The following TBC1D5 variants were observed in gnomAD, a reference collection of about 807,000 sequenced individuals.
TBC1D5 encodes the protein TBC1 domain family member 5, also known as TBC1 domain family, member 5.
A neutral mutation model predicts 100.3 loss-of-function variants in TBC1D5; 75 were observed. That is an observed-to-expected ratio of 0.75 (90% CI 0.62 to 0.91). The LOEUF is 0.91. Among genes scored for constraint, TBC1D5 ranks in the 40% least tolerant of loss-of-function variants. The pLI, the probability that TBC1D5 is intolerant of heterozygous loss-of-function variation, is 0.00. For synonymous variants in TBC1D5, 323 were observed against 325.6 expected (o/e 0.99, Z 0.09); for missense variants, 910 against 942.4 (o/e 0.97, Z 0.45).
intron 17 of TBC1D5, among the ~76,000 whole-genome samples, chr3:17,225,166 C>T (rs1411816809): frequency 2.0e-5 from 3 of 152,062 alleles, no homozygotes; most frequent in African/African-American, 4.8e-5. Flanking sequence ...AGGCCGGACG[C>T]GGTGGCTCAC....
At chr3:17,322,950 T>C (rs1490431968) in intron 13 of TBC1D5, among the ~76,000 whole-genome samples, 2 of 152,196 alleles carry the variant, frequency 1.3e-5, no homozygotes, top group African/African-American at 4.8e-5. Flanking sequence ...CAGGGTTAAA[T>C]TGGCCCTTGG....
At chr3:17,467,131 T>C (rs914354331) in intron 3 of TBC1D5, among the ~76,000 whole-genome samples, 2 of 152,082 alleles carry the variant, frequency 1.3e-5, no homozygotes, top group Non-Finnish European at 2.9e-5. Context: ...ATAAATGTTT[T>C]GTTTTACTAT....
At chr3:17,336,918 G>A (rs930295174) in intron 13 of TBC1D5, among the ~76,000 whole-genome samples, 4 of 152,060 alleles carry the variant, frequency 2.6e-5, no homozygotes, top group African/African-American at 9.7e-5. Flanking sequence ...CACAAGAGAA[G>A]ATATAGTTAA....
chr3:17,380,889 C>T (rs2092919632), intron 9 of TBC1D5, among the ~76,000 whole-genome samples: 1 of 151,986 alleles, frequency 6.6e-6, no homozygotes, highest in Admixed American at 6.6e-5. Context: ...CAATAAAATC[C>T]CATAACTATT....
At chr3:17,328,624 G>C (rs2086488991) in intron 13 of TBC1D5, among the ~76,000 whole-genome samples, 2 of 152,280 alleles carry the variant, frequency 1.3e-5, no homozygotes, top group African/African-American at 4.8e-5. Context: ...GCAGTGCTGA[G>C]TTGCTAGCTT....
chr3:17,613,781 T>TA (rs1475038148), intron 2 of TBC1D5, among the ~76,000 whole-genome samples: 1 of 152,248 alleles, frequency 6.6e-6, no homozygotes, highest in Non-Finnish European at 1.5e-5. Context: ...AGATTCTGGA[T>TA]ATTAGCTCTT....
intron 3 of TBC1D5, among the ~76,000 whole-genome samples, chr3:17,461,242 T>C (rs2149924598): frequency 6.6e-6 from 1 of 152,330 alleles, no homozygotes; most frequent in Non-Finnish European, 1.5e-5. Context: ...AGTTAATTGT[T>C]CATGTTTTCT....
At chr3:17,272,632 C>T (rs924561978) in intron 15 of TBC1D5, among the ~76,000 whole-genome samples, 4 of 152,070 alleles carry the variant, frequency 2.6e-5, no homozygotes, top group African/African-American at 9.7e-5. Context: ...GTAGTTTGGC[C>T]AAAGTTATAT....
intron 16 of TBC1D5, among the ~76,000 whole-genome samples, chr3:17,240,348 G>A (rs2076205758): frequency 6.6e-6 from 1 of 152,068 alleles, no homozygotes; most frequent in Non-Finnish European, 1.5e-5. Context: ...GGTTCCTTTG[G>A]CATCAAGTTT....
intron 17 of TBC1D5, among the ~76,000 whole-genome samples, chr3:17,218,695 C>T (rs2073931287): frequency 6.6e-6 from 1 of 151,958 alleles, no homozygotes; most frequent in Non-Finnish European, 1.5e-5. Context: ...GAATTCTAGA[C>T]CGACTGGCTT....
intron 1 of TBC1D5, among the ~76,000 whole-genome samples, chr3:17,638,922 G>T (rs1051060925): frequency 1.3e-5 from 2 of 152,114 alleles, no homozygotes; most frequent in African/African-American, 4.8e-5. Context: ...ATGGGAGTGT[G>T]TAACAGTATA....
chr3:17,442,894 C>G (rs1249483037), intron 3 of TBC1D5, among the ~76,000 whole-genome samples: 1 of 145,664 alleles, frequency 6.9e-6, no homozygotes, highest in African/African-American at 2.6e-5. Flanking sequence ...GGAGAAGAAG[C>G]GAGGGACAAG....
At chr3:17,301,204 A>G (rs2150372417) in intron 14 of TBC1D5, among the ~76,000 whole-genome samples, 1 of 152,270 alleles carries the variant, frequency 6.6e-6, no homozygotes, top group Non-Finnish European at 1.5e-5. Flanking sequence ...CTATTAATGC[A>G]ATTTACAAGA....
chr3:17,224,385 AAAAGT>A (rs1463480552), intron 17 of TBC1D5, among the ~76,000 whole-genome samples: 2 of 152,236 alleles, frequency 1.3e-5, no homozygotes, highest in African/African-American at 2.4e-5. Flanking sequence ...TTCACACTTA[AAAAGT>A]AAAGAAAGAT....
At chr3:17,538,239 A>C (rs570514665) in intron 2 of TBC1D5, among the ~76,000 whole-genome samples, 1 of 152,246 alleles carries the variant, frequency 6.6e-6, no homozygotes, top group South Asian at 2.1e-4. Flanking sequence ...GGTCACAGCC[A>C]GCGCCAGGAA....
intron 2 of TBC1D5, among the ~76,000 whole-genome samples, chr3:17,572,947 A>G (rs2096636509): frequency 6.6e-6 from 1 of 152,100 alleles, no homozygotes; most frequent in Non-Finnish European, 1.5e-5. Context: ...TCTTTGTTCT[A>G]TCAATGCCAA....
intron 17 of TBC1D5, among the ~76,000 whole-genome samples, chr3:17,229,983 C>T (rs1018197116): frequency 6.6e-6 from 1 of 152,200 alleles, no homozygotes; most frequent in African/African-American, 2.4e-5. Flanking sequence ...TTCTAGCTAA[C>T]TGATGTTTCC....
intron 3 of TBC1D5, among the ~76,000 whole-genome samples, chr3:17,501,277 A>G (rs945940477): frequency 1.3e-5 from 2 of 149,532 alleles, no homozygotes; most frequent in African/African-American, 5.1e-5. Context: ...GAAATAATGG[A>G]GCATTGAGCT....
intron 2 of TBC1D5, among the ~76,000 whole-genome samples, chr3:17,525,327 C>T (rs2096120120): frequency 6.6e-6 from 1 of 152,134 alleles, no homozygotes; most frequent in South Asian, 2.1e-4. Context: ...GATGGGGTTT[C>T]CCCATGTTGG....
Sources: allele counts gnomAD v4.1 joint callset (sites outside exome capture counted in the v4.1 genomes callset), GRCh38; gene constraint gnomAD v4.1.1; transcripts MANE v1.5; gene names NCBI Gene and HGNC (gene_info 2026-07-23, HGNC 2026-07-21).